RFXAP: variants seen among roughly 807,000 people sequenced by gnomAD.
The protein encoded by RFXAP is regulatory factor X associated protein.
A neutral mutation model predicts 25.7 loss-of-function variants in RFXAP; 21 were observed. The observed-to-expected ratio is 0.82, with a 90% CI of 0.58 to 1.18. The LOEUF is 1.18. Among genes scored for constraint, RFXAP ranks in the 50% most tolerant of loss-of-function variants. RFXAP has a pLI of 0.00. For synonymous variants in RFXAP, 161 were observed against 152.2 expected (o/e 1.06, Z -0.43); for missense variants, 333 against 363.0 (o/e 0.92, Z 0.67).
At chr13:36,820,925 T>C (rs892488341) in intron 1 of RFXAP, among the ~76,000 whole-genome samples, 1 of 152,164 alleles carries the variant, frequency 6.6e-6, no homozygotes, top group African/African-American at 2.4e-5. Context: ...TGGCTAAAGT[T>C]TGCAAACCTT....
chr13:36,825,354 A>C, intron 1 of RFXAP, 74 bp from the exon 2 acceptor site: 1 of 1,121,450 alleles, frequency 8.9e-7, no homozygotes, highest in Non-Finnish European at 1.3e-6. Context: ...TGTTCATTAC[A>C]TCTTTGAAAT....
intron 1 of RFXAP, 117 bp downstream of exon 1, chr13:36,820,074 T>A: frequency 7.0e-7 from 1 of 1,427,382 alleles, no homozygotes; most frequent in South Asian, 1.3e-5. Context: ...TTGCAGTGAC[T>A]GGGTTAGTGG....
At chr13:36,827,502 C>G in intron 2 of RFXAP, 141 bp from the exon 3 acceptor site, 1 of 615,904 alleles carries the variant, frequency 1.6e-6, no homozygotes, top group Non-Finnish European at 2.8e-6. Context: ...GCAGTGCATC[C>G]GATGTAAAAG....
intron 1 of RFXAP, among the ~76,000 whole-genome samples, chr13:36,821,571 A>C (rs1279702140): frequency 6.6e-6 from 1 of 152,126 alleles, no homozygotes; most frequent in Non-Finnish European, 1.5e-5. Context: ...GCTGAGGTGG[A>C]AGGATCATTG....
In RFXAP at chr13:36,823,669, T is replaced by C. The variant is rs117280757; in HGVS notation, c.601-1759T>C. ...GAAGAATTTATTAAGGTAAAAAAAT[T>C]AAAGAAATTAAGGTATCTAAAATTA... On this transcript the variant is annotated intron_variant, in intron 1 of 2. Transcript: ENST00000255476. 8.8e-4 allele frequency among the ~76,000 whole-genome samples: 134 copies of C among 152,258 alleles called. 2 individuals are homozygous for C. The East Asian group carries it at 0.024, about 28-fold the overall frequency.
intron 1 of RFXAP, among the ~76,000 whole-genome samples, chr13:36,823,657 A>G (rs1240577041): frequency 1.3e-5 from 2 of 152,220 alleles, no homozygotes; most frequent in Non-Finnish European, 2.9e-5. Context: ...GAATTTATTA[A>G]GGTAAAAAAA....
intron 1 of RFXAP, among the ~76,000 whole-genome samples, chr13:36,823,258 G>A (rs930075393): frequency 2.0e-5 from 3 of 152,090 alleles, no homozygotes; most frequent in Non-Finnish European, 4.4e-5. Flanking sequence ...CTAGAATTCT[G>A]GTAGATAAAA....
chr13:36,821,102 C>T (rs1012525493), intron 1 of RFXAP, among the ~76,000 whole-genome samples: 5 of 150,488 alleles, frequency 3.3e-5, no homozygotes, highest in Non-Finnish European at 7.4e-5. Context: ...CCCAGCTGTA[C>T]TTGGGAGGGT....
rs185972673 is a variant in RFXAP at position 36,828,624 on chromosome 13, T to C, written c.*871T>C. ...AAGACAAAATTATTTTTCTTATACT[T>C]ATTTTTTATTAAACAAAATGAAAAA... is the stretch of plus-strand genomic sequence containing the variant. On this transcript the variant is annotated 3_prime_UTR_variant, in exon 3 of 3. Transcript: ENST00000255476. The C allele has an allele frequency of 6.6e-6, 1 of 152,220 alleles. No homozygotes were observed. Among genetic ancestry groups the C allele is most frequent in the East Asian group, 1.9e-4 (1 of 5,190 alleles). 9.4% of individuals were successfully genotyped at this position (152,220 alleles called of 1,614,324 possible). A position where few individuals can be genotyped will look rare whatever the true frequency, so the allele number is the denominator to read the frequency against.
In RFXAP at chr13:36,819,341, G is replaced by T; in HGVS notation, c.-17G>T. ...CTAAAAGCCCGGGGTCGTGGACCCC[G>T]GCCAGGTCTTAGCAGCATGGAGGCG... On this transcript the variant is annotated 5_prime_UTR_variant, in exon 1 of 3. Transcript: ENST00000255476. 1 of 1,252,706 alleles carries T rather than the reference G, an allele frequency of 8.0e-7. No individual in the cohort carries two copies. 77.6% of individuals were successfully genotyped at this position (1,252,706 alleles called of 1,614,324 possible).
Position 36,819,291 on chromosome 13 carries a change from G to T in RFXAP, c.-67G>T. ...AGCGTGTCCTGAGTCTTTGGTTCGC[G>T]AAGTGCCGTTAGGCCAAGCAGGTGC... On this transcript the variant is annotated 5_prime_UTR_variant, in exon 1 of 3. Coordinates refer to ENST00000255476, the MANE Select transcript of RFXAP (RefSeq NM_000538.4). 3.2e-6 allele frequency: 4 copies of T among 1,232,918 alleles called. No homozygotes were observed. Among genetic ancestry groups the T allele is most frequent in the Non-Finnish European group, 4.1e-6 (4 of 985,440 alleles). 76.4% of individuals were successfully genotyped at this position (1,232,918 alleles called of 1,614,324 possible).
chr13:36,822,094 CT>C lies in RFXAP; in HGVS notation c.600+2149del, dbSNP rs200751998. Among the ~76,000 whole-genome samples, 1,270 of 144,878 alleles carry C rather than the reference CT, an allele frequency of 8.8e-3. 10 individuals carry two copies. The highest frequency in any genetic ancestry group is 0.027 in the African/African-American group (1,086 of 39,744). On this transcript the variant is annotated intron_variant, in intron 1 of 2. Coordinates refer to ENST00000255476, the MANE Select transcript of RFXAP (RefSeq NM_000538.4). ...GAGAAAAATAATACTTTTTTTCTTTCTTTTTTTTTTTTGAGACAGAGTCTTA... is the reference window on the plus strand; with the variant it reads ...GAGAAAAATAATACTTTTTTTCTTTCTTTTTTTTTTTGAGACAGAGTCTTA...
Position 36,827,779 on chromosome 13 carries a change from G to T in RFXAP, c.*26G>T, listed in dbSNP as rs1183846071. 1 of 1,452,674 alleles carries T rather than the reference G, an allele frequency of 6.9e-7. No individual in the cohort carries two copies. The highest frequency in any genetic ancestry group is 1.2e-5 in the South Asian group (1 of 86,182). The allele number at this position is 1,452,674 out of a possible 1,614,324, so 90.0% of individuals were successfully genotyped here. ...GGGAACTTACCAAGAACATCTACAT[G>T]GTTTTTTATCTTATTGTAATAGATG... On this transcript the variant is annotated 3_prime_UTR_variant, in exon 3 of 3. Coordinates refer to ENST00000255476, the MANE Select transcript of RFXAP (RefSeq NM_000538.4).
rs1162890613 is a variant in RFXAP, at chr13:36,819,934, A to G, written c.577A>G (p.Ser193Gly). Residue 193 changes from serine to glycine, a missense_variant, in exon 1 of 3, where the codon AGC becomes GGC. Physicochemically the swap from Ser to Gly is moderately conservative, Grantham distance 56. Coordinates refer to ENST00000255476, the MANE Select transcript of RFXAP (RefSeq NM_000538.4). Reference sequence around the variant, plus strand: ...CTGCGGTGGGACTGCCTCGACTGGCAGCGCGGGAAACGTCAAACTCGAGGT... The same window carrying G: ...CTGCGGTGGGACTGCCTCGACTGGCGGCGCGGGAAACGTCAAACTCGAGGT... ...LNCGGTASTGSAGNVKLEESA... is the reference protein window; with the variant it reads ...LNCGGTASTGGAGNVKLEESA... 6.2e-7 allele frequency: 1 copy of G among 1,613,908 alleles called. No individual in the cohort carries two copies. The highest frequency in any genetic ancestry group is 1.7e-5 in the Admixed American group (1 of 59,966).
chr13:36,819,459 A>G lies in RFXAP; in HGVS notation c.102A>G (p.Pro34=). ...CGGCTGCGGCTCCCACCTTGGCGCC[A>G]GCCTCGGTGGCGGCCGCGGCCTCTC... ...LAPAAAPTLA[P]ASVAAAASQF... The change falls in exon 1 of 3, where the codon CCA becomes CCG. Residue 34 remains proline, a synonymous_variant. Coordinates refer to ENST00000255476, the MANE Select transcript of RFXAP (RefSeq NM_000538.4). 3.3e-6 allele frequency: 5 copies of G among 1,508,796 alleles called. No individual in the cohort carries two copies. Among genetic ancestry groups the G allele is most frequent in the Middle Eastern group, 3.5e-4 (2 of 5,728 alleles). The allele number at this position is 1,508,796 out of a possible 1,614,324, so 93.5% of individuals were successfully genotyped here. A position where few individuals can be genotyped will look rare whatever the true frequency, so the allele number is the denominator to read the frequency against.
intron 1 of RFXAP, among the ~76,000 whole-genome samples, chr13:36,824,556 A>G (rs1593531808): frequency 2.0e-5 from 3 of 152,338 alleles, no homozygotes; most frequent in Admixed American, 2.0e-4. Flanking sequence ...GCTTTCCGGT[A>G]AAACATTTAT....
chr13:36,821,415 C>A (rs779198995), intron 1 of RFXAP, among the ~76,000 whole-genome samples: 3 of 151,868 alleles, frequency 2.0e-5, no homozygotes, highest in African/African-American at 4.8e-5. Context: ...AAGCCCAGAA[C>A]TTGGGGAGGC....
intron 1 of RFXAP, among the ~76,000 whole-genome samples, chr13:36,823,746 T>A (rs1238093423): frequency 6.6e-6 from 1 of 152,226 alleles, no homozygotes; most frequent in Non-Finnish European, 1.5e-5. Flanking sequence ...GTATAATGTC[T>A]ACTCCACCAA....
At chr13:36,827,427 C>T (rs936646589) in intron 2 of RFXAP, among the ~76,000 whole-genome samples, 6 of 152,036 alleles carry the variant, frequency 3.9e-5, no homozygotes, top group Non-Finnish European at 2.9e-5. Context: ...AGACTTCACC[C>T]GTTATTTTTA....
Sources: allele counts gnomAD v4.1 joint callset (sites outside exome capture counted in the v4.1 genomes callset), GRCh38; gene constraint gnomAD v4.1.1; transcripts MANE v1.5; gene names NCBI Gene and HGNC (gene_info 2026-07-23, HGNC 2026-07-21).